The following RREB1 variants were observed in gnomAD, a reference collection of about 807,000 sequenced individuals.
RREB1 encodes ras-responsive element-binding protein 1.
Under a neutral mutation model 117.8 loss-of-function variants are expected in RREB1, and 27 were observed. The ratio of observed to expected loss-of-function variants is 0.23; its 90% CI spans 0.17 to 0.32. RREB1 has a LOEUF of 0.32. RREB1 is among the 10% of genes least tolerant of loss of function. The probability of loss-of-function intolerance (pLI) is 1.00; values close to 1 mark genes in which losing one functional copy is unlikely to be tolerated. For missense variants in RREB1, 2,577 were observed against 2,378.2 expected, an observed-to-expected ratio of 1.08 and a Z score of -1.74; for synonymous variants, 1,298 against 1,026.7, an observed-to-expected ratio of 1.26 and a Z score of -5.05.
intron 6 of RREB1, 115 bp from the exon 7 acceptor site, chr6:7,210,689 C>T: frequency 8.7e-6 from 7 of 803,630 alleles, no homozygotes; most frequent in Non-Finnish European, 1.2e-5. Context: ...AATTATACCT[C>T]ATATCTCTTA....
intron 1 of RREB1, among the ~76,000 whole-genome samples, chr6:7,164,148 AG>A (rs1763809668): frequency 6.6e-6 from 1 of 152,208 alleles, no homozygotes; most frequent in Non-Finnish European, 1.5e-5. Flanking sequence ...ATAAAAAAAA[AG>A]ATCCTAAAAA....
chr6:7,223,728 C>T (rs554017514), intron 8 of RREB1, among the ~76,000 whole-genome samples: 5 of 152,272 alleles, frequency 3.3e-5, no homozygotes, highest in African/African-American at 1.2e-4. Context: ...TACGTACACA[C>T]ATACACATTC....
intron 8 of RREB1, among the ~76,000 whole-genome samples, chr6:7,225,590 TG>T (rs1767536986): frequency 6.6e-6 from 1 of 152,172 alleles, no homozygotes; most frequent in Non-Finnish European, 1.5e-5. Flanking sequence ...TATGCATCTG[TG>T]TGGCCCAGAA....
Position 7,248,551 on chromosome 6 carries a change from C to A in RREB1, c.4812C>A (p.Phe1604Leu), listed in dbSNP as rs144209596. The change falls in exon 13 of 13, where the codon TTC (phenylalanine) becomes TTA (leucine). Residue 1604 changes from phenylalanine (F) to leucine (L), a missense_variant. Physicochemically the swap from Phe to Leu is conservative, Grantham distance 22. Coordinates refer to ENST00000379938, the MANE Select transcript of RREB1 (RefSeq NM_001003699.4). ...AATGTCAGACCTGCGAGCGAACCTT[C>A]ACCTTGAAGCACAGCCTGGTTCGCC... The part of the protein sequence containing the change: ...PYKCQTCERT[F>L]TLKHSLVRHQ... 6.2e-7 allele frequency: 1 copy of A among 1,614,256 alleles called. No individual in the cohort carries two copies. The highest frequency in any genetic ancestry group is 8.5e-7 in the Non-Finnish European group (1 of 1,180,046).
At chr6:7,163,701 G>T (rs764938008) in intron 1 of RREB1, among the ~76,000 whole-genome samples, 92 of 152,258 alleles carry the variant, frequency 6.0e-4, no homozygotes, top group Non-Finnish European at 1.0e-3. Context: ...GCACTTCAGC[G>T]TTTTAGTTGT....
chr6:7,189,568 T>C (rs557979867), intron 6 of RREB1, among the ~76,000 whole-genome samples: 1 of 152,234 alleles, frequency 6.6e-6, no homozygotes, highest in South Asian at 2.1e-4. Flanking sequence ...CCTCTGCCAA[T>C]TGGAGTTGGT....
At chr6:7,183,871 C>T (rs768571738) in intron 4 of RREB1, 1 of 152,194 alleles carries the variant, frequency 6.6e-6, no homozygotes, top group Non-Finnish European at 1.5e-5. Context: ...GAGACGGAGC[C>T]TGGGGAAAGT....
intron 3 of RREB1, 78 bp from the exon 4 acceptor site, chr6:7,181,792 T>C: frequency 3.1e-6 from 3 of 970,540 alleles, no homozygotes; most frequent in African/African-American, 1.6e-5. Context: ...ACAATTAGAG[T>C]AGCCATGGCC....
At chr6:7,113,977 C>T (rs1312098949) in intron 1 of RREB1, among the ~76,000 whole-genome samples, 1 of 152,180 alleles carries the variant, frequency 6.6e-6, no homozygotes, top group Non-Finnish European at 1.5e-5. Context: ...TTGTGGGTAT[C>T]CATTCTGGAT....
chr6:7,182,748 G>A (rs1466385287), intron 4 of RREB1, among the ~76,000 whole-genome samples: 1 of 152,214 alleles, frequency 6.6e-6, no homozygotes, highest in African/African-American at 2.4e-5. Flanking sequence ...GGAAGGTGGT[G>A]GAAGGAGGCA....
At chr6:7,238,306 C>G (rs893319762) in intron 10 of RREB1, among the ~76,000 whole-genome samples, 1 of 152,224 alleles carries the variant, frequency 6.6e-6, no homozygotes, top group Non-Finnish European at 1.5e-5. Flanking sequence ...GGCACAATCT[C>G]TGCTCACTGC....
At chr6:7,109,526 G>T (rs1287504335) in intron 1 of RREB1, among the ~76,000 whole-genome samples, 1 of 152,142 alleles carries the variant, frequency 6.6e-6, no homozygotes, top group Non-Finnish European at 1.5e-5. Flanking sequence ...CGGGCGGGGC[G>T]GGGAGCTGGG....
At chr6:7,212,923 G>T (rs1011803552) in intron 8 of RREB1, 1 of 152,194 alleles carries the variant, frequency 6.6e-6, no homozygotes, top group African/African-American at 2.4e-5. Flanking sequence ...AACTTACGAA[G>T]AATTTAAACT....
At position 7,229,313 on chromosome 6, in the gene RREB1, G is replaced by T. The variant is rs747760972; in HGVS notation, c.1214G>T (p.Gly405Val). 6.2e-7 allele frequency: 1 copy of T among 1,614,112 alleles called. No homozygotes were observed. Among genetic ancestry groups the T allele is most frequent in the Admixed American group, 1.7e-5 (1 of 60,024 alleles). ...TLKCQLPQDP[G>V]CTNLLSLSPF... Reference sequence around the variant, plus strand: ...AAGTGTCAGCTACCTCAGGACCCCGGCTGCACCAACCTGCTGAGCCTGTCA... The same window carrying T: ...AAGTGTCAGCTACCTCAGGACCCCGTCTGCACCAACCTGCTGAGCCTGTCA... Residue 405 changes from glycine to valine, a missense_variant, in exon 10 of 13, where the codon GGC (glycine) becomes GTC (valine). Physicochemically the swap from Gly to Val is moderately radical, Grantham distance 109. Transcript: ENST00000379938. This position sits in a 1 kb window ranked among gnomAD's most constrained non-coding sequence, Gnocchi z 4.5.
chr6:7,191,473 T>G (rs1765402985), intron 6 of RREB1, among the ~76,000 whole-genome samples: 1 of 152,238 alleles, frequency 6.6e-6, no homozygotes. Flanking sequence ...TTATTTTTCT[T>G]GGTAGACACT....
chr6:7,150,876 G>A (rs974039288), intron 1 of RREB1, among the ~76,000 whole-genome samples: 1 of 152,228 alleles, frequency 6.6e-6, no homozygotes, highest in Non-Finnish European at 1.5e-5. Context: ...CGCCGGGTAG[G>A]CGGAGCCTCA....
intron 1 of RREB1, among the ~76,000 whole-genome samples, chr6:7,129,611 A>C (rs1762070734): frequency 6.6e-6 from 1 of 152,276 alleles, no homozygotes; most frequent in Non-Finnish European, 1.5e-5. Context: ...TGATGTACAC[A>C]CATAGCGAAG....
intron 8 of RREB1, chr6:7,216,064 G>A (rs1561785757): frequency 1.3e-5 from 2 of 152,238 alleles, no homozygotes; most frequent in South Asian, 2.1e-4. Flanking sequence ...AAAGGAGTTC[G>A]GGTAATAAGT....
chr6:7,214,140 A>C (rs940270944), intron 8 of RREB1: 1 of 152,260 alleles, frequency 6.6e-6, no homozygotes, highest in Non-Finnish European at 1.5e-5. Context: ...TTTTTTTCAT[A>C]GTTGGGATGG....
Sources: gnomAD v4.1 joint callset for allele counts (sites outside exome capture counted in the v4.1 genomes callset) on GRCh38, gnomAD v4.1.1 for gene constraint, Gnocchi (gnomAD v3.1) non-coding constraint, MANE v1.5 for transcripts, NCBI Gene and HGNC (gene_info 2026-07-23, HGNC 2026-07-21) for gene names.